FAM193A: variants seen among roughly 807,000 people sequenced by gnomAD.
The protein encoded by FAM193A is protein FAM193A.
In FAM193A, 22 loss-of-function variants were observed where a neutral mutation model predicts 126.5. The ratio of observed to expected loss-of-function variants is 0.17; its 90% CI spans 0.12 to 0.25. FAM193A has a LOEUF of 0.25. Among genes scored for constraint, FAM193A ranks in the 10% least tolerant of loss-of-function variants. FAM193A has a pLI of 1.00. For missense variants in FAM193A, 1,675 were observed against 1,672.8 expected (o/e 1.00, Z -0.02); for synonymous variants, 761 against 646.8 (o/e 1.18, Z -2.68).
chr4:2,693,611 G>A lies in FAM193A; in HGVS notation c.2829G>A (p.Lys943=), dbSNP rs1187107564. 6.2e-7 allele frequency: 1 copy of A among 1,612,940 alleles called. No homozygotes were observed. Among genetic ancestry groups the A allele is most frequent in the East Asian group, 2.2e-5 (1 of 44,858 alleles). Residue 943 remains lysine (K), a synonymous_variant, in exon 16 of 21, where the codon AAG becomes AAA. Transcript: ENST00000637812. ...GTGACGTGTTTCATGGCATCAGCAAGGAGGACCACAGACACTCGGCCCCAG... is the reference window on the plus strand; with the variant it reads ...GTGACGTGTTTCATGGCATCAGCAAAGAGGACCACAGACACTCGGCCCCAG... ...SVGDVFHGIS[K]EDHRHSAPAA...
At chr4:2,692,996 G>T (rs1350147619) in intron 15 of FAM193A, among the ~76,000 whole-genome samples, 1 of 152,044 alleles carries the variant, frequency 6.6e-6, no homozygotes, top group African/African-American at 2.4e-5. Context: ...TGAGCCCAGG[G>T]GTTCAGGACC....
intron 7 of FAM193A, among the ~76,000 whole-genome samples, chr4:2,655,578 A>G (rs1038975637): frequency 2.0e-5 from 3 of 152,146 alleles, no homozygotes; most frequent in East Asian, 3.8e-4. Context: ...CCTGGGCTCA[A>G]GCTCTCCTCC....
At chr4:2,629,278 G>A (rs915933948) in intron 4 of FAM193A, among the ~76,000 whole-genome samples, 4 of 151,320 alleles carry the variant, frequency 2.6e-5, no homozygotes, top group Non-Finnish European at 5.9e-5. Flanking sequence ...TGGGTGTCCA[G>A]TCTGCTTCTA....
intron 20 of FAM193A, among the ~76,000 whole-genome samples, chr4:2,720,695 A>G (rs1720039235): frequency 6.6e-6 from 1 of 152,164 alleles, no homozygotes. Context: ...CACACCACAA[A>G]TAATTGGAAA....
At chr4:2,661,689 C>A (rs1248219728) in intron 10 of FAM193A, among the ~76,000 whole-genome samples, 1 of 152,126 alleles carries the variant, frequency 6.6e-6, no homozygotes, top group African/African-American at 2.4e-5. Flanking sequence ...TTCACTCATT[C>A]TAGGAAGTGA....
intron 1 of FAM193A, among the ~76,000 whole-genome samples, chr4:2,568,159 A>G (rs1301298830): frequency 2.0e-5 from 3 of 152,104 alleles, no homozygotes; most frequent in Admixed American, 1.3e-4. Context: ...TTACCTATAC[A>G]TTGATTATAT....
intron 4 of FAM193A, among the ~76,000 whole-genome samples, 188 bp from the exon 5 acceptor site, chr4:2,630,745 ACT>A (rs1560498663): frequency 2.0e-5 from 3 of 152,156 alleles, no homozygotes; most frequent in Admixed American, 1.3e-4. Context: ...CCCTAGTGAC[ACT>A]CTGTGCCCCG....
At position 2,699,871 on chromosome 4, in the gene FAM193A, T is replaced by G; in HGVS notation, c.3699T>G (p.Ser1233Arg). The G allele has an allele frequency of 6.2e-7, 1 of 1,613,864 alleles. No individual in the cohort carries two copies. Among genetic ancestry groups the G allele is most frequent in the Non-Finnish European group, 8.5e-7 (1 of 1,179,924 alleles). ...AAAAGAAGAAGAAGGAGAGGCCAAGTAAAGACTGCCCCAAGTTGGACATGC... is the reference window on the plus strand; with the variant it reads ...AAAAGAAGAAGAAGGAGAGGCCAAGGAAAGACTGCCCCAAGTTGGACATGC... ...AVKKKKKERPSKDCPKLDMLT... is the reference protein window; with the variant it reads ...AVKKKKKERPRKDCPKLDMLT... The change falls in exon 19 of 21, where the codon AGT (serine) becomes AGG (arginine). Residue 1233 changes from serine to arginine, a missense_variant. Around this residue, in one of 4 missense-constraint regions of FAM193A, gnomAD observed 415 missense variants for 396.7 expected, o/e 1.05. Transcript: ENST00000637812.
intron 20 of FAM193A, among the ~76,000 whole-genome samples, chr4:2,717,947 G>A (rs541214989): frequency 2.6e-5 from 4 of 152,104 alleles, no homozygotes; most frequent in South Asian, 4.2e-4. Flanking sequence ...GAACCACCAC[G>A]CCCAGACTGT....
At chr4:2,564,974 A>C (rs1344972789) in intron 1 of FAM193A, among the ~76,000 whole-genome samples, 1 of 151,906 alleles carries the variant, frequency 6.6e-6, no homozygotes, top group Non-Finnish European at 1.5e-5. Context: ...AATTAAAAAG[A>C]AATTGCAGAG....
intron 1 of FAM193A, among the ~76,000 whole-genome samples, chr4:2,546,159 AT>A (rs35486569): frequency 0.092 from 13,612 of 147,510 alleles, 1,211 homozygotes; most frequent in African/African-American, 0.24. Context: ...AAAAAAAAAA[AT>A]TTTTTTTTTT....
At chr4:2,691,538 A>G (rs1357585598) in intron 15 of FAM193A, among the ~76,000 whole-genome samples, 2 of 152,180 alleles carry the variant, frequency 1.3e-5, no homozygotes, top group Admixed American at 6.5e-5. Context: ...AGCCTAGGGT[A>G]CAGCCCCTGG....
chr4:2,548,024 C>T (rs1737675067), intron 1 of FAM193A, among the ~76,000 whole-genome samples: 1 of 151,420 alleles, frequency 6.6e-6, no homozygotes, highest in Non-Finnish European at 1.5e-5. Flanking sequence ...TGTTTATTTG[C>T]CATTCCTGTA....
chr4:2,582,878 C>T (rs1740031145), intron 1 of FAM193A, among the ~76,000 whole-genome samples: 3 of 152,128 alleles, frequency 2.0e-5, no homozygotes, highest in African/African-American at 7.2e-5. Context: ...CAGTTGTATT[C>T]TGCTGTTGGC....
In FAM193A at chr4:2,711,876, G is replaced by T. The variant is rs188244329; in HGVS notation, c.4373-4147G>T. On this transcript the variant is annotated intron_variant, in intron 19 of 20. Coordinates refer to ENST00000637812, the MANE Select transcript of FAM193A (RefSeq NM_001366318.2). Reference sequence around the variant, plus strand: ...TGGGAGGCAAAGGTTGTGGTGAGCTGAGATGGTGCTGCTGCACTCCAGCCT... The same window carrying T: ...TGGGAGGCAAAGGTTGTGGTGAGCTTAGATGGTGCTGCTGCACTCCAGCCT... 3.1e-3 allele frequency among the ~76,000 whole-genome samples: 473 copies of T among 152,182 alleles called. 3 individuals are homozygous for T. The highest frequency in any genetic ancestry group is 0.01 in the African/African-American group (435 of 41,536).
intron 1 of FAM193A, among the ~76,000 whole-genome samples, chr4:2,592,431 G>T (rs751903795): frequency 2.0e-5 from 3 of 152,160 alleles, no homozygotes; most frequent in Non-Finnish European, 4.4e-5. Context: ...CTAGATTTCT[G>T]CTTCCAAGCA....
chr4:2,690,869 T>TC lies in FAM193A; in HGVS notation c.2702_2703insC (p.Met901IlefsTer36). 6.2e-7 allele frequency: 1 copy of TC among 1,614,228 alleles called. No homozygotes were observed. The highest frequency in any genetic ancestry group is 8.5e-7 in the Non-Finnish European group (1 of 1,180,034). On this transcript the variant is annotated frameshift_variant, in exon 15 of 21. Coordinates refer to ENST00000637812, the MANE Select transcript of FAM193A (RefSeq NM_001366318.2). LOFTEE classifies it high-confidence loss of function. The stretch of plus-strand genomic sequence containing the variant: ...TTCATGGAAGCAAATAAAGTTGTCA[T>TC]GGCCACGTCATCAGCCACGTCCTCT...
chr4:2,664,359 CATTTATTGAAA>C (rs1384331371), intron 12 of FAM193A, among the ~76,000 whole-genome samples: 2 of 152,104 alleles, frequency 1.3e-5, no homozygotes, highest in Middle Eastern at 3.4e-3. Context: ...TTGCCTTGGC[CATTTATTGAAA>C]ATTTATTGAA....
intron 13 of FAM193A, among the ~76,000 whole-genome samples, chr4:2,685,974 G>A (rs1290335922): frequency 6.6e-6 from 1 of 152,218 alleles, no homozygotes; most frequent in Non-Finnish European, 1.5e-5. Context: ...TGTATAACGA[G>A]TGAAATTGGT....
Sources: allele counts gnomAD v4.1 joint callset (sites outside exome capture counted in the v4.1 genomes callset), GRCh38; gene constraint gnomAD v4.1.1; regional missense constraint gnomAD v4.1.1; transcripts MANE v1.5; gene names NCBI Gene and HGNC (gene_info 2026-07-23, HGNC 2026-07-21).